CADM2: variants seen among roughly 807,000 people sequenced by gnomAD.
CADM2 encodes immunoglobulin superfamily member 4D.
In CADM2, 12 loss-of-function variants were observed where a neutral mutation model predicts 49.8. The ratio of observed to expected loss-of-function variants is 0.24; its 90% CI spans 0.15 to 0.39. The LOEUF (loss-of-function observed/expected upper bound fraction) is 0.39. CADM2 is among the 10% of genes least tolerant of loss of function. CADM2 has a pLI of 1.00. For synonymous variants in CADM2, 214 were observed against 175.4 expected, an observed-to-expected ratio of 1.22 and a Z score of -1.74; for missense variants, 378 against 492.3, an observed-to-expected ratio of 0.77 and a Z score of 2.20.
chr3:85,192,177 C>A (rs1161913484), intron 1 of CADM2, among the ~76,000 whole-genome samples: 1 of 151,732 alleles, frequency 6.6e-6, no homozygotes, highest in African/African-American at 2.4e-5. Context: ...TTATGGTGTA[C>A]TAAATGGTGT....
At chr3:85,965,583 C>CT (rs1489210713) in intron 8 of CADM2, among the ~76,000 whole-genome samples, 1 of 151,374 alleles carries the variant, frequency 6.6e-6, no homozygotes, top group Non-Finnish European at 1.5e-5. Flanking sequence ...TGAGAAAACT[C>CT]TAATTTTTTT....
chr3:85,084,618 GATA>G (rs1282146653), intron 1 of CADM2, among the ~76,000 whole-genome samples: 1 of 152,118 alleles, frequency 6.6e-6, no homozygotes, highest in Non-Finnish European at 1.5e-5. Flanking sequence ...ATGGTGAAAT[GATA>G]ATATTTTCAT....
chr3:85,607,900 T>C (rs2063577526), intron 1 of CADM2, among the ~76,000 whole-genome samples: 1 of 151,868 alleles, frequency 6.6e-6, no homozygotes, highest in Admixed American at 6.6e-5. Flanking sequence ...CGTGATCTGC[T>C]TGCCTTGACC....
chr3:85,857,648 T>C (rs2075367795), intron 3 of CADM2, among the ~76,000 whole-genome samples: 1 of 152,132 alleles, frequency 6.6e-6, no homozygotes. Context: ...TGTTCTTGGT[T>C]CATTTAAAGG....
At chr3:85,898,466 T>A (rs1179345001) in intron 5 of CADM2, among the ~76,000 whole-genome samples, 2 of 152,094 alleles carry the variant, frequency 1.3e-5, no homozygotes, top group African/African-American at 4.8e-5. Flanking sequence ...CTGCCCACTC[T>A]CTACCTCAGT....
At chr3:86,007,541 G>A (rs1156233328) in intron 8 of CADM2, among the ~76,000 whole-genome samples, 2 of 152,106 alleles carry the variant, frequency 1.3e-5, no homozygotes, top group African/African-American at 4.8e-5. Flanking sequence ...TTGTTCTATT[G>A]CAATAGCCTG....
intron 1 of CADM2, among the ~76,000 whole-genome samples, chr3:85,484,786 G>A (rs974494135): frequency 6.6e-6 from 1 of 151,894 alleles, no homozygotes; most frequent in Non-Finnish European, 1.5e-5. Context: ...TGACCTCATT[G>A]ATGGTTTATC....
chr3:85,156,330 A>G (rs1433892511), intron 1 of CADM2, among the ~76,000 whole-genome samples: 1 of 152,146 alleles, frequency 6.6e-6, no homozygotes, highest in African/African-American at 2.4e-5. Flanking sequence ...CTACCATCAG[A>G]GAATACTACA....
intron 1 of CADM2, among the ~76,000 whole-genome samples, chr3:85,191,411 A>C (rs1327182690): frequency 6.6e-6 from 1 of 152,112 alleles, no homozygotes; most frequent in Non-Finnish European, 1.5e-5. Context: ...TGTCAGAGAA[A>C]TTTTTAAAGG....
intron 2 of CADM2, among the ~76,000 whole-genome samples, chr3:85,753,716 G>A (rs907499083): frequency 2.6e-5 from 4 of 152,108 alleles, no homozygotes; most frequent in African/African-American, 9.7e-5. Flanking sequence ...CGTGCAGTAA[G>A]GGTAGAGAAA....
intron 1 of CADM2, among the ~76,000 whole-genome samples, chr3:85,510,815 C>T (rs896237027): frequency 2.4e-4 from 37 of 151,912 alleles, no homozygotes; most frequent in African/African-American, 8.7e-4. Flanking sequence ...ATATGTAATA[C>T]TGTGCTAGGT....
At chr3:85,924,419 C>T (rs552156951) in intron 6 of CADM2, among the ~76,000 whole-genome samples, 11 of 151,746 alleles carry the variant, frequency 7.2e-5, no homozygotes, top group Non-Finnish European at 1.2e-4. Context: ...GAGGAAACCA[C>T]GTCTCTACAA....
At chr3:85,156,641 C>T (rs530194914) in intron 1 of CADM2, among the ~76,000 whole-genome samples, 7 of 152,234 alleles carry the variant, frequency 4.6e-5, no homozygotes, top group South Asian at 2.1e-4. Context: ...CAGCAGCATC[C>T]TTCATGCTAA....
chr3:86,069,668 A>C lies in CADM2; in HGVS notation c.*2885A>C, dbSNP rs1424456983. 6.6e-6 allele frequency: 1 copy of C among 152,002 alleles called. No individual in the cohort carries two copies. The highest frequency in any genetic ancestry group is 2.4e-5 in the African/African-American group (1 of 41,440). The allele number at this position is 152,002 out of a possible 1,614,324, so 9.4% of individuals were successfully genotyped here. ...ATTTCTGTCTCTTCTAAGTGAGCAC[A>C]GTAGGTAGGGAACTCAATGGAAGCA... is the stretch of plus-strand genomic sequence containing the variant. On this transcript the variant is annotated 3_prime_UTR_variant, in exon 10 of 10. Transcript: ENST00000383699.
intron 1 of CADM2, among the ~76,000 whole-genome samples, chr3:85,430,116 G>T (rs1417552851): frequency 6.6e-6 from 1 of 152,028 alleles, no homozygotes; most frequent in East Asian, 1.9e-4. Flanking sequence ...ATGTTATGAA[G>T]GAAGACAAAG....
intron 3 of CADM2, among the ~76,000 whole-genome samples, chr3:85,869,728 G>A (rs1014094270): frequency 6.6e-6 from 1 of 152,014 alleles, no homozygotes; most frequent in African/African-American, 2.4e-5. Flanking sequence ...GCGCGATCTC[G>A]GCTCACGGCA....
intron 1 of CADM2, among the ~76,000 whole-genome samples, chr3:85,708,993 C>A (rs1449703778): frequency 6.6e-6 from 1 of 150,650 alleles, no homozygotes; most frequent in Non-Finnish European, 1.5e-5. Context: ...GATTAATTTT[C>A]ATGTAAAATT....
intron 1 of CADM2, among the ~76,000 whole-genome samples, chr3:85,682,407 A>G (rs1354887797): frequency 2.0e-5 from 3 of 152,088 alleles, no homozygotes; most frequent in Admixed American, 6.6e-5. Context: ...ACAAAGCAAT[A>G]TAATTATTTA....
At chr3:85,354,037 T>A (rs2031607004) in intron 1 of CADM2, among the ~76,000 whole-genome samples, 1 of 151,918 alleles carries the variant, frequency 6.6e-6, no homozygotes, top group East Asian at 1.9e-4. Context: ...CTGGAGCTTA[T>A]TAGGAATAGA....
Sources: gnomAD v4.1 joint callset for allele counts (sites outside exome capture counted in the v4.1 genomes callset) on GRCh38, gnomAD v4.1.1 for gene constraint, MANE v1.5 for transcripts, NCBI Gene and HGNC (gene_info 2026-07-23, HGNC 2026-07-21) for gene names.